Variants in CTNNA2 observed in about 807,000 individuals in gnomAD.
The protein encoded by CTNNA2 is catenin alpha 2.
CTNNA2 carries 42 observed loss-of-function variants against 101.0 expected under a neutral mutation model. The ratio of observed to expected loss-of-function variants is 0.42; its 90% CI spans 0.32 to 0.54. CTNNA2 has a LOEUF of 0.54. Ranked by LOEUF, CTNNA2 falls within the 20% of genes least tolerant of loss-of-function variation. The pLI is 0.14. For synonymous variants in CTNNA2, 450 were observed against 456.4 expected, an observed-to-expected ratio of 0.99 and a Z score of 0.18; for missense variants, 871 against 1,223.1, an observed-to-expected ratio of 0.71 and a Z score of 4.29.
At chr2:80,207,694 A>T (rs919589286) in intron 7 of CTNNA2, among the ~76,000 whole-genome samples, 1 of 152,158 alleles carries the variant, frequency 6.6e-6, no homozygotes, top group Admixed American at 6.5e-5. Flanking sequence ...ATGGTTTTAT[A>T]TAAGTGTTTG....
intron 7 of CTNNA2, among the ~76,000 whole-genome samples, chr2:80,048,229 T>C (rs1696653605): frequency 1.3e-5 from 2 of 152,222 alleles, no homozygotes; most frequent in South Asian, 4.1e-4. Flanking sequence ...GTTTGGAATC[T>C]ACTTATACTA....
chr2:80,268,403 A>G (rs145677563), intron 7 of CTNNA2, among the ~76,000 whole-genome samples: 2 of 152,306 alleles, frequency 1.3e-5, no homozygotes, highest in South Asian at 2.1e-4. Context: ...TGACAAAACC[A>G]TATTACAGAG....
chr2:80,036,846 TGTGAGAGA>T (rs58904941), intron 7 of CTNNA2, among the ~76,000 whole-genome samples: 25,622 of 108,460 alleles, frequency 0.24, 2,262 homozygotes, highest in Non-Finnish European at 0.26. Flanking sequence ...TGTGTGTGTG[TGTGAGAGA>T]GAGAGAGAGA....
rs12621251 is a variant in CTNNA2, at chr2:79,662,490, C to T, written c.102+10832C>T. On this transcript the variant is annotated intron_variant, in intron 2 of 18. Transcript: ENST00000402739. ...AAAATTTCAAGGGAAAGATTGGGGG[C>T]GGTTAGCTAACAAAATTGCTTTTAA... Among the ~76,000 whole-genome samples, 134 of 151,882 alleles carry T rather than the reference C, an allele frequency of 8.8e-4. 1 individual carries two copies. The highest frequency in any genetic ancestry group is 1.3e-3 in the Non-Finnish European group (88 of 67,962).
chr2:80,452,260 A>AT, intron 9 of CTNNA2, among the ~76,000 whole-genome samples: 1 of 151,784 alleles, frequency 6.6e-6, no homozygotes, highest in East Asian at 1.9e-4. Context: ...CTGTTGTGAT[A>AT]TACTGTGGAT....
intron 6 of CTNNA2, among the ~76,000 whole-genome samples, chr2:79,887,214 G>A (rs961028096): frequency 1.3e-5 from 2 of 152,156 alleles, no homozygotes; most frequent in South Asian, 2.1e-4. Flanking sequence ...ACAGATAAGC[G>A]TGAGAAATTA....
At chr2:80,077,601 AC>A (rs1426568761) in intron 7 of CTNNA2, among the ~76,000 whole-genome samples, 6 of 149,144 alleles carry the variant, frequency 4.0e-5, no homozygotes, top group African/African-American at 7.4e-5. Context: ...AAAAAAAAAA[AC>A]ATAAACAAAA....
intron 4 of CTNNA2, among the ~76,000 whole-genome samples, chr2:79,434,859 G>C (rs145541158): frequency 3.3e-4 from 50 of 152,258 alleles, no homozygotes; most frequent in Non-Finnish European, 6.2e-4. Flanking sequence ...AATCTAGGCA[G>C]ACCAACATGG....
chr2:80,514,916 C>A (rs149531045), intron 9 of CTNNA2, among the ~76,000 whole-genome samples: 1 of 152,274 alleles, frequency 6.6e-6, no homozygotes, highest in African/African-American at 2.4e-5. Context: ...TAGAAGTTCT[C>A]ACTTTGGGCC....
At chr2:80,587,365 A>AG (rs1379607835) in intron 14 of CTNNA2, among the ~76,000 whole-genome samples, 1 of 152,168 alleles carries the variant, frequency 6.6e-6, no homozygotes, top group Non-Finnish European at 1.5e-5. Context: ...AATGAGCCAG[A>AG]GGGGTAGTTG....
chr2:80,055,987 G>A (rs1697191006), intron 7 of CTNNA2, among the ~76,000 whole-genome samples: 1 of 152,114 alleles, frequency 6.6e-6, no homozygotes, highest in Admixed American at 6.6e-5. Flanking sequence ...GTTTAGCTGT[G>A]GATGGCTGAA....
intron 4 of CTNNA2, among the ~76,000 whole-genome samples, chr2:79,408,316 TATA>T (rs1186279711): frequency 6.7e-4 from 91 of 135,428 alleles, no homozygotes; most frequent in Middle Eastern, 3.7e-3. Context: ...TTATTATTAT[TATA>T]ATACTTTAAG....
chr2:79,207,705 A>G (rs1373834018), intron 2 of CTNNA2, among the ~76,000 whole-genome samples: 1 of 152,180 alleles, frequency 6.6e-6, no homozygotes, highest in East Asian at 1.9e-4. Context: ...ATGGCCAGTA[A>G]AGAAATGGAT....
chr2:79,318,091 T>C (rs1676537266), intron 3 of CTNNA2, among the ~76,000 whole-genome samples: 1 of 152,082 alleles, frequency 6.6e-6, no homozygotes, highest in South Asian at 2.1e-4. Flanking sequence ...GAGATAATTA[T>C]TATGATATGT....
intron 16 of CTNNA2, among the ~76,000 whole-genome samples, chr2:80,606,414 C>CACACACACACACACACACACCCA (rs1558638318): frequency 5.8e-5 from 3 of 51,632 alleles, no homozygotes; most frequent in South Asian, 6.8e-4. Context: ...ACACACACAC[C>CACACACACACACACACACACCCA]CCCCAGGATA....
intron 18 of CTNNA2, among the ~76,000 whole-genome samples, chr2:80,629,987 A>G (rs1228805251): frequency 6.6e-6 from 1 of 152,124 alleles, no homozygotes; most frequent in Non-Finnish European, 1.5e-5. Flanking sequence ...TTAGCTGCCA[A>G]CCTCGTTTCC....
At chr2:80,004,237 G>A (rs1314598526) in intron 7 of CTNNA2, among the ~76,000 whole-genome samples, 2 of 152,116 alleles carry the variant, frequency 1.3e-5, no homozygotes, top group Admixed American at 1.3e-4. Context: ...GCATTTCATA[G>A]GAGTAATATT....
In CTNNA2 at chr2:79,719,030, C is replaced by T. The variant is rs115017216; in HGVS notation, c.103-25357C>T. On this transcript the variant is annotated intron_variant, in intron 2 of 18. Coordinates refer to ENST00000402739, the MANE Select transcript of CTNNA2 (RefSeq NM_001282597.3). Reference sequence around the variant, plus strand: ...GCAATAAGTAGTTTTTCAACTCATCCTTCCTCCCGCCCTTCCTCCTCGCTC... The same window carrying T: ...GCAATAAGTAGTTTTTCAACTCATCTTTCCTCCCGCCCTTCCTCCTCGCTC... Among the ~76,000 whole-genome samples, 681 of 152,186 alleles carry T rather than the reference C, an allele frequency of 4.5e-3. 5 individuals carry two copies. The highest frequency in any genetic ancestry group is 0.016 in the African/African-American group (653 of 41,522).
intron 2 of CTNNA2, among the ~76,000 whole-genome samples, chr2:79,727,233 A>G (rs1285664392): frequency 6.6e-6 from 1 of 152,250 alleles, no homozygotes; most frequent in Non-Finnish European, 1.5e-5. Flanking sequence ...GGTACTATAC[A>G]AATATATTCA....
Sources: gnomAD v4.1 joint callset for allele counts (sites outside exome capture counted in the v4.1 genomes callset) on GRCh38, gnomAD v4.1.1 for gene constraint, MANE v1.5 for transcripts, NCBI Gene and HGNC (gene_info 2026-07-23, HGNC 2026-07-21) for gene names.